The following IMMP2L variants were observed in gnomAD, a reference collection of about 807,000 sequenced individuals.
The protein encoded by IMMP2L is inner mitochondrial membrane peptidase subunit 2, also known as mitochondrial inner membrane protease subunit 2.
IMMP2L carries 18 observed loss-of-function variants against 19.3 expected under a neutral mutation model. The ratio of observed to expected loss-of-function variants is 0.93; its 90% CI spans 0.64 to 1.38. The LOEUF is 1.38. IMMP2L is among the 40% of genes most tolerant of loss of function. The pLI is 0.00. For missense variants in IMMP2L, 233 were observed against 218.2 expected, an observed-to-expected ratio of 1.07 and a Z score of -0.43; for synonymous variants, 76 against 73.0, an observed-to-expected ratio of 1.04 and a Z score of -0.21.
intron 3 of IMMP2L, among the ~76,000 whole-genome samples, chr7:111,143,018 A>G (rs1427042391): frequency 1.3e-5 from 2 of 152,176 alleles, no homozygotes; most frequent in African/African-American, 4.8e-5. Context: ...GCCAAGCAGC[A>G]TATTTCCTAA....
At chr7:111,311,653 G>A (rs560298899) in intron 3 of IMMP2L, among the ~76,000 whole-genome samples, 7 of 152,174 alleles carry the variant, frequency 4.6e-5, no homozygotes, top group East Asian at 1.9e-4. Context: ...AACTGGCTCC[G>A]GTCTAGAAAC....
At chr7:111,392,646 A>AT (rs375236622) in intron 3 of IMMP2L, among the ~76,000 whole-genome samples, 6 of 152,112 alleles carry the variant, frequency 3.9e-5, no homozygotes, top group African/African-American at 1.2e-4. Flanking sequence ...TTAGCATCAG[A>AT]ATTTTTAGTG....
intron 3 of IMMP2L, among the ~76,000 whole-genome samples, chr7:110,997,482 G>A (rs1823163627): frequency 6.6e-6 from 1 of 152,066 alleles, no homozygotes; most frequent in Non-Finnish European, 1.5e-5. Context: ...ATCCCCACAA[G>A]CAATGCAGGA....
intron 2 of IMMP2L, among the ~76,000 whole-genome samples, chr7:111,500,266 C>G (rs1844060339): frequency 6.6e-6 from 1 of 152,166 alleles, no homozygotes; most frequent in Non-Finnish European, 1.5e-5. Flanking sequence ...GAAGGGGCGC[C>G]TGCCATTGCC....
At chr7:111,064,010 C>A (rs1794266461) in intron 3 of IMMP2L, among the ~76,000 whole-genome samples, 2 of 152,130 alleles carry the variant, frequency 1.3e-5, no homozygotes, top group South Asian at 4.1e-4. Context: ...TTCAGCAGCA[C>A]CCCACTCTAC....
intron 5 of IMMP2L, among the ~76,000 whole-genome samples, chr7:110,883,222 T>G (rs555741813): frequency 6.6e-6 from 1 of 152,288 alleles, no homozygotes; most frequent in Admixed American, 6.5e-5. Flanking sequence ...TTTTTGTACT[T>G]CATAAACTTC....
intron 5 of IMMP2L, among the ~76,000 whole-genome samples, chr7:110,724,916 G>A (rs10499996): frequency 6.6e-6 from 1 of 152,016 alleles, no homozygotes; most frequent in Non-Finnish European, 1.5e-5. Flanking sequence ...AAACCTGCAC[G>A]ACCTTGACTA....
chr7:111,007,602 C>G (rs1236383328), intron 3 of IMMP2L, among the ~76,000 whole-genome samples: 1 of 152,082 alleles, frequency 6.6e-6, no homozygotes, highest in Non-Finnish European at 1.5e-5. Flanking sequence ...TACACTCACT[C>G]CCTAGTAAAT....
chr7:110,946,650 G>A (rs992842712), intron 4 of IMMP2L, among the ~76,000 whole-genome samples: 13 of 150,122 alleles, frequency 8.7e-5, no homozygotes, highest in Non-Finnish European at 3.0e-5. Flanking sequence ...ATCACAAACT[G>A]AAGATATATT....
intron 4 of IMMP2L, among the ~76,000 whole-genome samples, chr7:110,890,769 G>A (rs1321386315): frequency 1.3e-5 from 2 of 152,108 alleles, no homozygotes; most frequent in Non-Finnish European, 2.9e-5. Flanking sequence ...GGCATTTTTA[G>A]TACTACCTTT....
intron 3 of IMMP2L, among the ~76,000 whole-genome samples, chr7:111,259,694 A>G (rs1817106256): frequency 6.6e-6 from 1 of 152,006 alleles, no homozygotes; most frequent in African/African-American, 2.4e-5. Flanking sequence ...AACTTACCGC[A>G]TATTTTTATA....
chr7:110,947,815 G>A (rs1421059634), intron 4 of IMMP2L, among the ~76,000 whole-genome samples: 1 of 152,156 alleles, frequency 6.6e-6, no homozygotes, highest in Non-Finnish European at 1.5e-5. Flanking sequence ...TTCACTGTCT[G>A]CTCCTGGCTT....
intron 4 of IMMP2L, among the ~76,000 whole-genome samples, chr7:110,939,153 GA>G (rs1816435331): frequency 6.6e-6 from 1 of 152,086 alleles, no homozygotes; most frequent in Admixed American, 6.6e-5. Context: ...AGAGTTTTTA[GA>G]ATGCCTGATC....
chr7:111,449,961 T>C (rs905621395), intron 3 of IMMP2L, among the ~76,000 whole-genome samples: 4 of 143,134 alleles, frequency 2.8e-5, no homozygotes, highest in African/African-American at 1.1e-4. Flanking sequence ...CCATTCACAA[T>C]TGCTTCAAAG....
intron 3 of IMMP2L, among the ~76,000 whole-genome samples, chr7:110,981,825 CCA>C (rs1821336516): frequency 6.6e-6 from 1 of 152,052 alleles, no homozygotes; most frequent in South Asian, 2.1e-4. Context: ...TATTTTTGCT[CCA>C]CAGAGACATG....
intron 2 of IMMP2L, among the ~76,000 whole-genome samples, chr7:111,517,858 G>A (rs894558193): frequency 1.3e-5 from 2 of 152,056 alleles, no homozygotes; most frequent in African/African-American, 4.8e-5. Flanking sequence ...TGCATGAGGG[G>A]AATAGGTCAG....
chr7:111,068,063 T>G (rs1794657525), intron 3 of IMMP2L, among the ~76,000 whole-genome samples: 1 of 152,056 alleles, frequency 6.6e-6, no homozygotes, highest in Non-Finnish European at 1.5e-5. Context: ...AATAAATAAA[T>G]AAAATCATAA....
chr7:111,171,229 G>A (rs762513039), intron 3 of IMMP2L, among the ~76,000 whole-genome samples: 1 of 151,582 alleles, frequency 6.6e-6, no homozygotes, highest in Non-Finnish European at 1.5e-5. Context: ...CAGAGAAAGA[G>A]GATATGTGGT....
intron 3 of IMMP2L, among the ~76,000 whole-genome samples, chr7:111,100,130 CT>C (rs1033359748): frequency 1.3e-5 from 2 of 151,296 alleles, no homozygotes; most frequent in African/African-American, 4.8e-5. Context: ...GCATGTATTT[CT>C]TTTTTTTAAA....
Sources: gnomAD v4.1 joint callset for allele counts (sites outside exome capture counted in the v4.1 genomes callset) on GRCh38, gnomAD v4.1.1 for gene constraint, MANE v1.5 for transcripts, NCBI Gene and HGNC (gene_info 2026-07-23, HGNC 2026-07-21) for gene names.